The following SSTR3 variants were observed in gnomAD, a reference collection of about 807,000 sequenced individuals.
SSTR3 encodes somatostatin receptor 3, also known as somatostatin receptor type 3.
For missense variants in SSTR3, 504 were observed against 604.7 expected, an observed-to-expected ratio of 0.83 and a Z score of 1.75; for synonymous variants, 281 against 269.2, an observed-to-expected ratio of 1.04 and a Z score of -0.43.
Position 37,211,966 on chromosome 22 carries a change from G to C in SSTR3, c.-178C>G. Reference sequence around the variant, plus strand: ...AGGCACCCACTTCTAGACCGCTTGCGGGCTCAGGTTCCCTCCCAGGCCCTC... The same window carrying C: ...AGGCACCCACTTCTAGACCGCTTGCCGGCTCAGGTTCCCTCCCAGGCCCTC... On this transcript the variant is annotated 5_prime_UTR_variant, in exon 1 of 2. Coordinates refer to ENST00000610913, the MANE Select transcript of SSTR3 (RefSeq NM_001051.5). The C allele has an allele frequency of 1.0e-6, 1 of 985,612 alleles. No homozygotes were observed. Among genetic ancestry groups the C allele is most frequent in the Non-Finnish European group, 1.2e-6 (1 of 830,108 alleles). 61.1% of individuals were successfully genotyped at this position (985,612 alleles called of 1,614,324 possible). A position where few individuals can be genotyped will look rare whatever the true frequency, so the allele number is the denominator to read the frequency against.
rs777795056 is a variant in SSTR3 at position 37,207,204 on chromosome 22, C to T, written c.600G>A (p.Ala200=). The T allele has an allele frequency of 1.9e-5, 31 of 1,610,730 alleles. No homozygotes were observed. Among genetic ancestry groups the T allele is most frequent in the East Asian group, 8.9e-5 (4 of 44,804 alleles). ...AGATGATGAAGCCGGCTCGCCAGGC[C>T]GCCGCCGGCTCGGGCCACTGCATGT... The part of the protein sequence containing the change: ...TCHMQWPEPA[A]AWRAGFIIYT... The change falls in exon 2 of 2, where the codon GCG becomes GCA. Residue 200 remains alanine, a synonymous_variant. Transcript: ENST00000610913.
intron 1 of SSTR3, chr22:37,211,044 CT>C: frequency 1.1e-6 from 1 of 921,718 alleles, no homozygotes; most frequent in African/African-American, 1.8e-5. Flanking sequence ...GTTGAGTAAG[CT>C]GCAAAGGGTC....
At chr22:37,220,003 C>T in the SSTR3 span, among the ~76,000 whole-genome samples, 2 of 152,186 alleles carry the variant, frequency 1.3e-5, no homozygotes, top group African/African-American at 4.8e-5. Context: ...GATTAGGTGG[C>T]CAGGACTCAC....
Position 37,207,318 on chromosome 22 carries a change from C to A in SSTR3, c.486G>T (p.Thr162=). 2 of 1,595,502 alleles carry A rather than the reference C, an allele frequency of 1.3e-6. No homozygotes were observed. Among genetic ancestry groups the A allele is most frequent in the East Asian group, 2.2e-5 (1 of 44,688 alleles). The change falls in exon 2 of 2, where the codon ACG becomes ACT. Residue 162 remains threonine, a synonymous_variant. Transcript: ENST00000610913. The part of the protein sequence containing the change: ...ARWRTAPVAR[T]VSAAVWVASA... Reference sequence around the variant, plus strand: ...AGGCCACCCACACAGCCGCGCTGACCGTGCGGGCCACCGGAGCTGTGCGCC... The same window carrying A: ...AGGCCACCCACACAGCCGCGCTGACAGTGCGGGCCACCGGAGCTGTGCGCC...
intron 1 of SSTR3, chr22:37,210,397 G>T: frequency 2.1e-6 from 1 of 466,712 alleles, no homozygotes; most frequent in Non-Finnish European, 2.8e-6. Context: ...TTGTACCAGG[G>T]CATGCAGTCG....
At chr22:37,214,392 A>G (rs1926347794), upstream of SSTR3, among the ~76,000 whole-genome samples, 1 of 152,234 alleles carries the variant, frequency 6.6e-6, no homozygotes, top group Non-Finnish European at 1.5e-5. Context: ...GTCGAGGCCA[A>G]AAGAAATCTG....
rs1045927279 is a variant in SSTR3 at position 37,206,865 on chromosome 22, A to T, written c.939T>A (p.Tyr313Ter). 6 of 1,613,510 alleles carry T rather than the reference A, an allele frequency of 3.7e-6. No individual in the cohort carries two copies. In the East Asian group the frequency reaches 1.3e-4, roughly 36 times the overall value. ...GCTTGAAGCGGTAGGAGAGGAAGCCATAAAGGATGGGGTTGGCACAGCTGT... is the reference window on the plus strand; with the variant it reads ...GCTTGAAGCGGTAGGAGAGGAAGCCTTAAAGGATGGGGTTGGCACAGCTGT... The part of the protein sequence containing the change: ...YANSCANPIL[Y>*]GFLSYRFKQG... The change falls in exon 2 of 2, where the codon TAT becomes TAA. Residue 313 changes from tyrosine (Y) to a stop codon, truncating the protein, a stop_gained. Transcript: ENST00000610913. LOFTEE classifies it low-confidence loss of function (END_TRUNC).
At chr22:37,208,261 C>T (rs941566061) in intron 1 of SSTR3, among the ~76,000 whole-genome samples, 1 of 152,228 alleles carries the variant, frequency 6.6e-6, no homozygotes, top group Non-Finnish European at 1.5e-5. Context: ...TATCACAGGA[C>T]CTTCACCTGG....
the SSTR3 span, among the ~76,000 whole-genome samples, chr22:37,218,284 T>A: frequency 6.6e-6 from 1 of 152,188 alleles, no homozygotes; most frequent in Non-Finnish European, 1.5e-5. Context: ...AGCCCGGGCA[T>A]GGTGGCTCAC....
In SSTR3 at chr22:37,211,866, G is replaced by C. The variant is rs1020877970; in HGVS notation, c.-78C>G. On this transcript the variant is annotated 5_prime_UTR_variant, in exon 1 of 2. Transcript: ENST00000610913. ...GGCTTCCCTCCTTGCCGCCAGGCTG[G>C]TTATCATTCTGCTGTCCCCTCTCCC... 3 of 985,720 alleles carry C rather than the reference G, an allele frequency of 3.0e-6. No individual in the cohort carries two copies. Among genetic ancestry groups the C allele is most frequent in the African/African-American group, 3.5e-5 (2 of 57,232 alleles). 61.1% of individuals were successfully genotyped at this position (985,720 alleles called of 1,614,324 possible).
In SSTR3 at chr22:37,206,561, T is replaced by C. The variant is rs368276792; in HGVS notation, c.1243A>G (p.Ile415Val). ...TCCCCAGGCCCCTACAGGTAGCTGA[T>C]GCGCATCGTGCTGGACTTCTCCCCA... Reference protein sequence around the residue: ...STGEKSSTMRISYL With the variant: ...STGEKSSTMRVSYL Residue 415 changes from isoleucine (I) to valine (V), a missense_variant, in exon 2 of 2, where the codon ATC becomes GTC. Coordinates refer to ENST00000610913, the MANE Select transcript of SSTR3 (RefSeq NM_001051.5). The C allele has an allele frequency of 3.1e-6, 5 of 1,606,676 alleles. No individual in the cohort carries two copies. The African/African-American group carries it at 6.7e-5, about 21-fold the overall frequency.
At chr22:37,212,896 G>A (rs1348688278), upstream of SSTR3, among the ~76,000 whole-genome samples, 7 of 152,200 alleles carry the variant, frequency 4.6e-5, no homozygotes, top group Non-Finnish European at 1.0e-4. Flanking sequence ...CCCCAGGCAG[G>A]GTGAGGAGTG....
intron 1 of SSTR3, chr22:37,210,959 A>G (rs1926154643): frequency 2.0e-6 from 2 of 985,392 alleles, no homozygotes; most frequent in Non-Finnish European, 1.2e-6. Context: ...TGGAAGCCTC[A>G]GACTCACATC....
In SSTR3 at chr22:37,212,192, T is replaced by C. The variant is rs1458818787; in HGVS notation, c.-404A>G. On this transcript the variant is annotated 5_prime_UTR_variant, in exon 1 of 2. Transcript: ENST00000610913. The stretch of plus-strand genomic sequence containing the variant: ...CAATAGAAATAGAGGGGAAAGGGGG[T>C]CGGGAGGAGGTGGAGAAAGAGAGAG... The C allele has an allele frequency of 1.5e-5, 14 of 917,962 alleles. No homozygotes were observed. The highest frequency in any genetic ancestry group is 2.5e-5 in the African/African-American group (1 of 40,196). The allele number at this position is 917,962 out of a possible 1,614,324, so 56.9% of individuals were successfully genotyped here.
Position 37,207,714 on chromosome 22 carries a change from G to A in SSTR3, c.90C>T (p.Asn30=), listed in dbSNP as rs138867892. The change falls in exon 2 of 2, where the codon AAC becomes AAT. Residue 30 remains asparagine (N), a synonymous_variant. Coordinates refer to ENST00000610913, the MANE Select transcript of SSTR3 (RefSeq NM_001051.5). ...CTGCCGGGCTTGGGCCCGCCGACAC[G>A]TTGCCCAGGGTGGCATCTGGGGGCC... ...SAWPPDATLG[N]VSAGPSPAGL... 7.8e-5 allele frequency: 120 copies of A among 1,536,848 alleles called. 2 individuals carry two copies. Among genetic ancestry groups the A allele is most frequent in the African/African-American group, 4.4e-4 (32 of 72,404 alleles).
rs1468220311 is a variant in SSTR3 at position 37,206,518 on chromosome 22, C to T, written c.*29G>A. 2 of 1,571,202 alleles carry T rather than the reference C, an allele frequency of 1.3e-6. No homozygotes were observed. Among genetic ancestry groups the T allele is most frequent in the Admixed American group, 1.8e-5 (1 of 56,642 alleles). ...GCACACCCACGGCTTCTGCCTCTTC[C>T]TCGGGCCATCCTGGCTTTCCCCAGG... On this transcript the variant is annotated 3_prime_UTR_variant, in exon 2 of 2. Coordinates refer to ENST00000610913, the MANE Select transcript of SSTR3 (RefSeq NM_001051.5).
intron 1 of SSTR3, among the ~76,000 whole-genome samples, chr22:37,209,172 G>A (rs1926039567): frequency 6.6e-6 from 1 of 152,220 alleles, no homozygotes; most frequent in Non-Finnish European, 1.5e-5. Flanking sequence ...AATGGGAGCT[G>A]TGGTCCGCAC....
Position 37,211,921 on chromosome 22 carries a change from T to G in SSTR3, c.-133A>C. 1.0e-6 allele frequency: 1 copy of G among 985,630 alleles called. No individual in the cohort carries two copies. Among genetic ancestry groups the G allele is most frequent in the Non-Finnish European group, 1.2e-6 (1 of 830,098 alleles). The allele number at this position is 985,630 out of a possible 1,614,324, so 61.1% of individuals were successfully genotyped here. ...CAGTCCCCAGGTGCCCCCAGGGCAC[T>G]CCTAACTAGGGTCCCCACAAGGCAC... On this transcript the variant is annotated 5_prime_UTR_variant, in exon 1 of 2. Transcript: ENST00000610913.
Position 37,205,175 on chromosome 22 carries a change from G to A in SSTR3, c.*1372C>T, listed in dbSNP as rs968958693. 5 of 152,582 alleles carry A rather than the reference G, an allele frequency of 3.3e-5. No homozygotes were observed. The highest frequency in any genetic ancestry group is 1.2e-4 in the African/African-American group (5 of 41,562). The allele number at this position is 152,582 out of a possible 1,614,324, so 9.5% of individuals were successfully genotyped here. ...GTCCCTGGTAGCCAGCTCCACCCTA[G>A]GGCTTTATTAAGGCCTGAGCCCTCT... On this transcript the variant is annotated 3_prime_UTR_variant, in exon 2 of 2. Coordinates refer to ENST00000610913, the MANE Select transcript of SSTR3 (RefSeq NM_001051.5).
Sources: allele counts gnomAD v4.1 joint callset (sites outside exome capture counted in the v4.1 genomes callset), GRCh38; gene constraint gnomAD v4.1.1; transcripts MANE v1.5; gene names NCBI Gene and HGNC (gene_info 2026-07-23, HGNC 2026-07-21).